PDE4D: variants seen among roughly 807,000 people sequenced by gnomAD.
The protein encoded by PDE4D is phosphodiesterase 4D.
A neutral mutation model predicts 87.4 loss-of-function variants in PDE4D; 24 were observed. The observed-to-expected ratio is 0.27, with a 90% CI of 0.20 to 0.39. PDE4D has a LOEUF of 0.39. Among genes scored for constraint, PDE4D ranks in the 10% least tolerant of loss-of-function variants. PDE4D has a pLI of 1.00. For missense variants in PDE4D, 714 were observed against 1,041.0 expected, an observed-to-expected ratio of 0.69 and a Z score of 4.32; for synonymous variants, 384 against 383.2, an observed-to-expected ratio of 1.00 and a Z score of -0.02.
At chr5:59,461,922 G>C (rs138641572) in intron 1 of PDE4D, among the ~76,000 whole-genome samples, 1 of 152,050 alleles carries the variant, frequency 6.6e-6, no homozygotes, top group African/African-American at 2.4e-5. Flanking sequence ...TGCAATAATA[G>C]ATTTAATGTT....
intron 1 of PDE4D, among the ~76,000 whole-genome samples, chr5:59,340,909 A>G (rs747378833): frequency 2.0e-5 from 3 of 152,038 alleles, no homozygotes; most frequent in Non-Finnish European, 4.4e-5. Context: ...TATGTACCAT[A>G]TTTTCTTTAT....
intron 1 of PDE4D, among the ~76,000 whole-genome samples, chr5:60,213,231 A>C (rs1265837997): frequency 6.6e-6 from 1 of 152,224 alleles, no homozygotes; most frequent in Non-Finnish European, 1.5e-5. Flanking sequence ...CTAGTGAGAC[A>C]GCTGGCAGAC....
chr5:60,464,871 G>A (rs116714465), intron 1 of PDE4D, among the ~76,000 whole-genome samples: 6,591 of 152,278 alleles, frequency 0.043, 175 homozygotes, highest in Non-Finnish European at 0.068. Flanking sequence ...GGAGGTCAAG[G>A]TGGGAGGATG....
At chr5:59,478,672 G>A (rs761257490) in intron 1 of PDE4D, among the ~76,000 whole-genome samples, 2 of 152,000 alleles carry the variant, frequency 1.3e-5, no homozygotes, top group African/African-American at 2.4e-5. Context: ...GTGTATGTGT[G>A]CATATGTTCA....
chr5:59,140,054 G>A (rs1314959381), intron 5 of PDE4D, among the ~76,000 whole-genome samples: 2 of 152,202 alleles, frequency 1.3e-5, no homozygotes, highest in African/African-American at 4.8e-5. Context: ...CCACCTAAGA[G>A]AGGAGTAGGA....
intron 1 of PDE4D, among the ~76,000 whole-genome samples, chr5:60,313,714 C>T (rs1253243762): frequency 6.6e-6 from 1 of 152,038 alleles, no homozygotes; most frequent in Non-Finnish European, 1.5e-5. Context: ...TGTCCTGGAT[C>T]GAACAGGACA....
intron 1 of PDE4D, among the ~76,000 whole-genome samples, chr5:60,259,387 C>G (rs928680880): frequency 6.6e-5 from 10 of 151,996 alleles, no homozygotes; most frequent in African/African-American, 2.4e-4. Context: ...GGACAAACTT[C>G]TCCAATTAAT....
intron 11 of PDE4D, 26 bp from the exon 12 acceptor site, chr5:58,977,371 A>T: frequency 6.3e-7 from 1 of 1,590,750 alleles, no homozygotes; most frequent in African/African-American, 1.4e-5. Context: ...AAGGCCAAAG[A>T]TCAGCAAAAC....
At position 60,290,314 on chromosome 5, in the gene PDE4D, T is replaced by C. The variant is rs1432022775; in HGVS notation, c.-89-104627A>G. On this transcript the variant is annotated intron_variant, in intron 1 of 16. Transcript: ENST00000502484. ...ATTATAAATCATAACAGAATGGAGA[T>C]TGATTTACATTCTGAAGATCTCAAG... is the stretch of plus-strand genomic sequence containing the variant. 3.9e-5 allele frequency among the ~76,000 whole-genome samples: 6 copies of C among 152,102 alleles called. No homozygotes were observed. In the East Asian group the frequency reaches 1.2e-3, roughly 29 times the overall value.
At chr5:60,519,068 G>A (rs1263006456) in intron 1 of PDE4D, among the ~76,000 whole-genome samples, 1 of 152,100 alleles carries the variant, frequency 6.6e-6, no homozygotes, top group Non-Finnish European at 1.5e-5. Context: ...AGCTGTTAAA[G>A]GAACTTAAAA....
intron 1 of PDE4D, among the ~76,000 whole-genome samples, chr5:59,754,818 T>C (rs1760991995): frequency 7.4e-6 from 1 of 135,352 alleles, no homozygotes; most frequent in South Asian, 2.4e-4. Flanking sequence ...TTTTTTTTTT[T>C]TTTTTTTGCA....
intron 1 of PDE4D, chr5:59,703,467 T>C (rs1752911002): frequency 2.1e-6 from 1 of 486,178 alleles, no homozygotes; most frequent in Admixed American, 2.2e-5. Context: ...AGATAATACA[T>C]ATGTATTGAT....
At chr5:59,060,551 G>T (rs867500594) in intron 5 of PDE4D, among the ~76,000 whole-genome samples, 1 of 151,842 alleles carries the variant, frequency 6.6e-6, no homozygotes, top group Admixed American at 6.6e-5. Context: ...TAAATTTTAC[G>T]TTCAGGGGTA....
At chr5:59,217,717 G>T (rs1485543659) in intron 1 of PDE4D, among the ~76,000 whole-genome samples, 1 of 152,178 alleles carries the variant, frequency 6.6e-6, no homozygotes, top group Non-Finnish European at 1.5e-5. Context: ...TGTTCCTAAA[G>T]TCCTTCCAGC....
intron 5 of PDE4D, among the ~76,000 whole-genome samples, chr5:59,052,182 C>A (rs920991461): frequency 2.0e-5 from 3 of 152,046 alleles, no homozygotes; most frequent in Non-Finnish European, 4.4e-5. Context: ...TACTGTAGTT[C>A]GAGCAGGGAG....
chr5:59,486,741 C>A (rs1455148895), intron 1 of PDE4D, among the ~76,000 whole-genome samples: 1 of 152,104 alleles, frequency 6.6e-6, no homozygotes, highest in Non-Finnish European at 1.5e-5. Context: ...CATTACTTCC[C>A]TTTCTGAGCA....
At chr5:59,969,848 G>GT (rs1412803074) in intron 3 of PDE4D, among the ~76,000 whole-genome samples, 2 of 152,154 alleles carry the variant, frequency 1.3e-5, no homozygotes, top group African/African-American at 4.8e-5. Flanking sequence ...ATGCTGAACT[G>GT]TGAGTCAATT....
intron 2 of PDE4D, among the ~76,000 whole-genome samples, chr5:60,090,374 A>G (rs1298081949): frequency 1.3e-5 from 2 of 152,212 alleles, no homozygotes; most frequent in African/African-American, 4.8e-5. Context: ...ATAATTCAAC[A>G]TATGTAAATC....
chr5:59,183,813 C>T (rs549071964), intron 4 of PDE4D, among the ~76,000 whole-genome samples: 16 of 152,286 alleles, frequency 1.1e-4, no homozygotes, highest in East Asian at 3.9e-4. Flanking sequence ...GCCCTTTCAG[C>T]GAACAGGCCT....
Sources: allele counts gnomAD v4.1 joint callset (sites outside exome capture counted in the v4.1 genomes callset), GRCh38; gene constraint gnomAD v4.1.1; transcripts MANE v1.5; gene names NCBI Gene and HGNC (gene_info 2026-07-23, HGNC 2026-07-21).